The following ACBD3 variants were observed in gnomAD, a reference collection of about 807,000 sequenced individuals.
ACBD3 encodes acyl-CoA binding domain containing 3, also known as Golgi resident protein GCP60.
A neutral mutation model predicts 66.9 loss-of-function variants in ACBD3; 30 were observed. That is an observed-to-expected ratio of 0.45 (90% CI 0.34 to 0.61). ACBD3 has a LOEUF of 0.61. Among genes scored for constraint, ACBD3 ranks in the 20% least tolerant of loss-of-function variants. The pLI is 0.02. For synonymous variants in ACBD3, 278 were observed against 259.8 expected (o/e 1.07, Z -0.68); for missense variants, 544 against 664.5 (o/e 0.82, Z 1.99).
chr1:226,171,728 G>A (rs977954239), intron 1 of ACBD3, among the ~76,000 whole-genome samples: 1 of 149,396 alleles, frequency 6.7e-6, no homozygotes, highest in Non-Finnish European at 1.5e-5. Flanking sequence ...CACAGAGATG[G>A]GGTTTCACCA....
chr1:226,183,097 T>C (rs1249155410), intron 1 of ACBD3, among the ~76,000 whole-genome samples: 2 of 152,228 alleles, frequency 1.3e-5, no homozygotes, highest in Admixed American at 6.5e-5. Context: ...CCCAAGCTAT[T>C]TGCAATGGAA....
rs75733712 is a variant in ACBD3 at position 226,157,690 on chromosome 1, C to T, written c.903+1494G>A. Among the ~76,000 whole-genome samples, 2,064 of 152,264 alleles carry T rather than the reference C, an allele frequency of 0.014. 116 individuals carry two copies. The East Asian group carries it at 0.19, about 14-fold the overall frequency. The stretch of plus-strand genomic sequence containing the variant: ...AAGTAACTGGGACTACAGGCGTGCA[C>T]CACCATGCCCAGCTAATTTTTTTTT... On this transcript the variant is annotated intron_variant, in intron 5 of 7. Transcript: ENST00000366812.
At chr1:226,181,503 T>C (rs1478334949) in intron 1 of ACBD3, among the ~76,000 whole-genome samples, 1 of 152,214 alleles carries the variant, frequency 6.6e-6, no homozygotes, top group African/African-American at 2.4e-5. Context: ...GCAATGCTAG[T>C]AGAACTATTC....
At chr1:226,163,787 T>C (rs1659815730) in intron 3 of ACBD3, among the ~76,000 whole-genome samples, 1 of 152,170 alleles carries the variant, frequency 6.6e-6, no homozygotes, top group Non-Finnish European at 1.5e-5. Context: ...TTATTTCTAA[T>C]CCAGGTTAAG....
intron 1 of ACBD3, among the ~76,000 whole-genome samples, chr1:226,183,599 A>G (rs1656225120): frequency 1.3e-5 from 2 of 152,188 alleles, no homozygotes; most frequent in African/African-American, 2.4e-5. Flanking sequence ...AAATCCACAC[A>G]TTAAAACAAA....
intron 7 of ACBD3, 47 bp from the exon 8 acceptor site, chr1:226,146,868 C>T: frequency 6.5e-7 from 1 of 1,543,404 alleles, no homozygotes; most frequent in African/African-American, 1.4e-5. Flanking sequence ...GAAAACCACA[C>T]TTGCATCAGG....
At chr1:226,175,686 CA>C (rs1656016071) in intron 1 of ACBD3, among the ~76,000 whole-genome samples, 1 of 151,056 alleles carries the variant, frequency 6.6e-6, no homozygotes, top group Non-Finnish European at 1.5e-5. Context: ...AAAATGGAAG[CA>C]AATACCAGAA....
chr1:226,183,843 C>T (rs1656230838), intron 1 of ACBD3, among the ~76,000 whole-genome samples: 1 of 138,190 alleles, frequency 7.2e-6, no homozygotes, highest in African/African-American at 2.7e-5. Flanking sequence ...GAGATCGCGC[C>T]ATTGCACTCT....
chr1:226,183,153 G>A (rs1346416385), intron 1 of ACBD3, among the ~76,000 whole-genome samples: 3 of 152,072 alleles, frequency 2.0e-5, no homozygotes, highest in Non-Finnish European at 4.4e-5. Context: ...CACAGTGGAA[G>A]AGAAAATGTA....
intron 5 of ACBD3, 110 bp downstream of exon 5, chr1:226,159,074 C>T: frequency 7.9e-7 from 1 of 1,272,002 alleles, no homozygotes; most frequent in Non-Finnish European, 1.1e-6. Context: ...TACTTTACAC[C>T]TTAGAGGCTA....
chr1:226,184,865 C>CTTGG lies in ACBD3; in HGVS notation c.286+1521_286+1524dup, dbSNP rs1000829524. ...CCAGGCTGGAGTACAATGGTGCCAT[C>CTTGG]TTGGCTCACTGCAACCTCCGCCTCC... On this transcript the variant is annotated intron_variant, in intron 1 of 7. Transcript: ENST00000366812. Among the ~76,000 whole-genome samples the CTTGG allele has an allele frequency of 4.6e-4, 67 of 146,076 alleles. 1 individual carries two copies. The highest frequency in any genetic ancestry group is 1.6e-3 in the African/African-American group (62 of 39,404).
chr1:226,185,919 T>C (rs1437804412), intron 1 of ACBD3, among the ~76,000 whole-genome samples: 1 of 152,140 alleles, frequency 6.6e-6, no homozygotes, highest in African/African-American at 2.4e-5. Flanking sequence ...CAAGAATGGC[T>C]GGAAAAGCTA....
chr1:226,160,853 A>C (rs761717035), intron 4 of ACBD3, among the ~76,000 whole-genome samples: 1 of 152,222 alleles, frequency 6.6e-6, no homozygotes, highest in South Asian at 2.1e-4. Context: ...CTATAAATGG[A>C]TATCTGACAT....
At chr1:226,148,954 T>C (rs1002315050) in intron 7 of ACBD3, among the ~76,000 whole-genome samples, 2 of 152,194 alleles carry the variant, frequency 1.3e-5, no homozygotes, top group African/African-American at 2.4e-5. Context: ...CATTTTATGA[T>C]TAGGAATGGT....
intron 2 of ACBD3, among the ~76,000 whole-genome samples, chr1:226,165,360 G>A (rs529301339): frequency 2.6e-4 from 39 of 152,038 alleles, no homozygotes; most frequent in Non-Finnish European, 4.6e-4. Flanking sequence ...TAGTAGAGAT[G>A]GGGTTTTACT....
intron 1 of ACBD3, among the ~76,000 whole-genome samples, chr1:226,179,965 G>A (rs1156422676): frequency 6.6e-6 from 1 of 151,990 alleles, no homozygotes; most frequent in Admixed American, 6.6e-5. Context: ...AAGGTCAGGA[G>A]TTCAAGACCA....
chr1:226,160,167 C>T (rs995115046), intron 4 of ACBD3, among the ~76,000 whole-genome samples: 4 of 151,332 alleles, frequency 2.6e-5, no homozygotes, highest in African/African-American at 9.7e-5. Context: ...TCTCAGCTCA[C>T]TGCAACCTCC....
At chr1:226,155,387 A>T (rs1043493886) in intron 5 of ACBD3, among the ~76,000 whole-genome samples, 2 of 150,828 alleles carry the variant, frequency 1.3e-5, no homozygotes, top group Middle Eastern at 3.2e-3. Flanking sequence ...ATTGCATTCC[A>T]GCCTGAGCAA....
chr1:226,152,620 C>G lies in ACBD3; in HGVS notation c.1091-1G>C, dbSNP rs1422444436. The G allele has an allele frequency of 6.2e-7, 1 of 1,613,140 alleles. No individual in the cohort carries two copies. Among genetic ancestry groups the G allele is most frequent in the Non-Finnish European group, 8.5e-7 (1 of 1,179,536 alleles). ...GGAGCTGCTATTACTGGAAGAGATT[C>G]TAAAGGCAATAGGTATTAAAAAGCT... is the stretch of plus-strand genomic sequence containing the variant. On this transcript the variant is annotated splice_acceptor_variant, in intron 6 of 7. Transcript: ENST00000366812. LOFTEE classifies it high-confidence loss of function.
Sources: allele counts gnomAD v4.1 joint callset (sites outside exome capture counted in the v4.1 genomes callset), GRCh38; gene constraint gnomAD v4.1.1; transcripts MANE v1.5; gene names NCBI Gene and HGNC (gene_info 2026-07-23, HGNC 2026-07-21).